Variants in SNTG1 observed in about 807,000 individuals in gnomAD.
SNTG1 encodes syntrophin gamma 1.
In SNTG1, 39 loss-of-function variants were observed where a neutral mutation model predicts 74.7. That is an observed-to-expected ratio of 0.52 (90% CI 0.40 to 0.68). The LOEUF is 0.68. SNTG1 is among the 30% of genes least tolerant of loss of function. The pLI is 0.00. For synonymous variants in SNTG1, 254 were observed against 217.1 expected, an observed-to-expected ratio of 1.17 and a Z score of -1.49; for missense variants, 685 against 609.5, an observed-to-expected ratio of 1.12 and a Z score of -1.30.
chr8:50,506,895 A>G (rs1192878022), intron 9 of SNTG1, among the ~76,000 whole-genome samples: 1 of 152,104 alleles, frequency 6.6e-6, no homozygotes, highest in Non-Finnish European at 1.5e-5. Context: ...TCTTAATCTT[A>G]GAGGGAAAGC....
chr8:49,958,427 C>CTT (rs143825343), intron 1 of SNTG1, among the ~76,000 whole-genome samples: 1 of 144,484 alleles, frequency 6.9e-6, no homozygotes, highest in Non-Finnish European at 1.5e-5. Flanking sequence ...TGTTTTCTTT[C>CTT]TTTTTTTTTT....
At chr8:50,429,861 C>A (rs1210068428) in intron 4 of SNTG1, among the ~76,000 whole-genome samples, 1 of 151,872 alleles carries the variant, frequency 6.6e-6, no homozygotes, top group Non-Finnish European at 1.5e-5. Flanking sequence ...AAATGGTAAG[C>A]AAATGAACAA....
intron 2 of SNTG1, among the ~76,000 whole-genome samples, chr8:50,327,602 A>C (rs2090800970): frequency 6.6e-6 from 1 of 152,094 alleles, no homozygotes; most frequent in Non-Finnish European, 1.5e-5. Context: ...TTATATTTTT[A>C]TCCACTCTGA....
At chr8:50,146,953 C>T (rs572711792) in intron 1 of SNTG1, among the ~76,000 whole-genome samples, 1 of 152,048 alleles carries the variant, frequency 6.6e-6, no homozygotes, top group Non-Finnish European at 1.5e-5. Flanking sequence ...TATTTTCTCT[C>T]ACTATATGGC....
rs1158854722 is a variant in SNTG1, at chr8:50,419,351, G to T, written c.162+17007G>T. On this transcript the variant is annotated intron_variant, in intron 4 of 18. Transcript: ENST00000642720. ...AAACTTAGACTTATACCCTCACCAG[G>T]CTGCACTGATGTTCTCCAGCTCTGT... is the stretch of plus-strand genomic sequence containing the variant. Among the ~76,000 whole-genome samples the T allele has an allele frequency of 2.6e-5, 4 of 152,258 alleles. No homozygotes were observed. The East Asian group carries it at 5.8e-4, about 22-fold the overall frequency.
rs556222400 is a variant in SNTG1, at chr8:50,664,373, C to A, written c.1038+5710C>A. ...ATTAGGCATGAAAGTGAATATATAT[C>A]AAGAATGAGAAAAAGCTCATGATGC... is the stretch of plus-strand genomic sequence containing the variant. On this transcript the variant is annotated intron_variant, in intron 15 of 18. Coordinates refer to ENST00000642720, the MANE Select transcript of SNTG1 (RefSeq NM_018967.5). Among the ~76,000 whole-genome samples, 68 of 152,144 alleles carry A rather than the reference C, an allele frequency of 4.5e-4. 1 individual carries two copies. The South Asian group carries it at 6.4e-3, about 14-fold the overall frequency.
At chr8:50,266,380 G>A (rs533242119) in intron 2 of SNTG1, among the ~76,000 whole-genome samples, 9 of 151,984 alleles carry the variant, frequency 5.9e-5, no homozygotes, top group Admixed American at 2.6e-4. Context: ...CTAGTTATAC[G>A]TAAGCAAATG....
At chr8:50,405,951 C>T (rs535671469) in intron 4 of SNTG1, among the ~76,000 whole-genome samples, 49 of 152,018 alleles carry the variant, frequency 3.2e-4, no homozygotes, top group Non-Finnish European at 3.5e-4. Context: ...GTCTTTATGC[C>T]AGTAACGCAC....
intron 13 of SNTG1, among the ~76,000 whole-genome samples, chr8:50,596,783 A>G (rs1173471626): frequency 3.3e-5 from 5 of 152,086 alleles, no homozygotes. Context: ...ATGTTTTTAT[A>G]TAATTGAAAC....
chr8:50,695,693 A>G (rs949889493), intron 15 of SNTG1, among the ~76,000 whole-genome samples: 28 of 151,698 alleles, frequency 1.8e-4, no homozygotes, highest in Non-Finnish European at 1.0e-4. Flanking sequence ...CCCATTGTTT[A>G]CTTCCCATTA....
At chr8:50,329,276 A>G (rs1295664154) in intron 2 of SNTG1, among the ~76,000 whole-genome samples, 2 of 152,076 alleles carry the variant, frequency 1.3e-5, no homozygotes, top group Non-Finnish European at 2.9e-5. Flanking sequence ...CCCTTCTTAC[A>G]GCTCCATTAG....
At chr8:49,968,022 C>A (rs191731066) in intron 1 of SNTG1, among the ~76,000 whole-genome samples, 14 of 152,270 alleles carry the variant, frequency 9.2e-5, no homozygotes, top group African/African-American at 3.4e-4. Flanking sequence ...GAGAATCACC[C>A]TATTCATCTT....
At chr8:49,957,447 G>A (rs1034331287) in intron 1 of SNTG1, among the ~76,000 whole-genome samples, 2 of 152,108 alleles carry the variant, frequency 1.3e-5, no homozygotes, top group South Asian at 4.1e-4. Flanking sequence ...TTTGTGTGAA[G>A]TAGTTTAAGC....
rs1437246494 is a variant in SNTG1, at chr8:50,572,271, T to G, written c.811-18608T>G. On this transcript the variant is annotated intron_variant, in intron 12 of 18. Transcript: ENST00000642720. ...CTATCACCTATTTTATATATATATA[T>G]ATATAGAGAGAGAGAGAGAGAGAGT... Among the ~76,000 whole-genome samples, 12 of 149,084 alleles carry G rather than the reference T, an allele frequency of 8.0e-5. No individual in the cohort carries two copies. The South Asian group carries it at 1.5e-3, about 18-fold the overall frequency.
intron 1 of SNTG1, among the ~76,000 whole-genome samples, chr8:50,041,601 C>T (rs1348709012): frequency 6.6e-6 from 1 of 152,062 alleles, no homozygotes; most frequent in Admixed American, 6.6e-5. Context: ...CCAGTTTGTA[C>T]AACTTTCACA....
intron 2 of SNTG1, among the ~76,000 whole-genome samples, chr8:50,378,962 C>T (rs1438558634): frequency 6.6e-6 from 1 of 152,126 alleles, no homozygotes; most frequent in Non-Finnish European, 1.5e-5. Flanking sequence ...AGCCTTCAGG[C>T]CCTCCCTGCC....
At chr8:50,422,850 A>T (rs977747410) in intron 4 of SNTG1, among the ~76,000 whole-genome samples, 1 of 152,190 alleles carries the variant, frequency 6.6e-6, no homozygotes, top group Non-Finnish European at 1.5e-5. Context: ...ACTCTTCCCT[A>T]GTCAGGTGAT....
At chr8:50,648,863 T>C (rs945095404) in intron 13 of SNTG1, among the ~76,000 whole-genome samples, 21 of 152,164 alleles carry the variant, frequency 1.4e-4, no homozygotes, top group Non-Finnish European at 2.4e-4. Flanking sequence ...TTAACTGTTA[T>C]CCTGAAAGGC....
chr8:49,929,263 G>A lies in SNTG1; in HGVS notation c.-103+17032G>A, dbSNP rs150551954. On this transcript the variant is annotated intron_variant, in intron 1 of 18. Coordinates refer to ENST00000642720, the MANE Select transcript of SNTG1 (RefSeq NM_018967.5). ...ATTGGAGAGGAAAGGATGAAAGCAG[G>A]GGGCATGGGATTCATTCCTCTCCTG... Among the ~76,000 whole-genome samples the A allele has an allele frequency of 7.0e-3, 1,068 of 152,168 alleles. 32 individuals are homozygous for A. In the East Asian group the frequency reaches 0.12, roughly 16 times the overall value.
Sources: gnomAD v4.1 joint callset for allele counts (sites outside exome capture counted in the v4.1 genomes callset) on GRCh38, gnomAD v4.1.1 for gene constraint, MANE v1.5 for transcripts, NCBI Gene and HGNC (gene_info 2026-07-23, HGNC 2026-07-21) for gene names.